The following BCAT1 variants were observed in gnomAD, a reference collection of about 807,000 sequenced individuals.
The protein encoded by BCAT1 is branched chain amino acid transaminase 1.
In BCAT1, 48 loss-of-function variants were observed where a neutral mutation model predicts 52.4. The observed-to-expected ratio is 0.92, with a 90% CI of 0.73 to 1.16. The LOEUF (loss-of-function observed/expected upper bound fraction) is 1.16. BCAT1 is among the 50% of genes most tolerant of loss of function. The pLI is 0.00. For synonymous variants in BCAT1, 167 were observed against 161.3 expected (o/e 1.04, Z -0.27); for missense variants, 451 against 457.1 (o/e 0.99, Z 0.12).
At chr12:24,943,727 G>T (rs373906284) in intron 1 of BCAT1, among the ~76,000 whole-genome samples, 22 of 152,298 alleles carry the variant, frequency 1.4e-4, no homozygotes, top group African/African-American at 4.8e-4. Flanking sequence ...GCTCACGCCT[G>T]TAATCCCAGC....
chr12:24,935,626 G>A (rs1262580649), intron 1 of BCAT1, among the ~76,000 whole-genome samples: 1 of 152,166 alleles, frequency 6.6e-6, no homozygotes, highest in African/African-American at 2.4e-5. Context: ...AAGTCATCAT[G>A]TCTTTGTTCC....
intron 5 of BCAT1, among the ~76,000 whole-genome samples, chr12:24,854,413 C>A (rs1941604855): frequency 6.6e-6 from 1 of 151,988 alleles, no homozygotes; most frequent in Non-Finnish European, 1.5e-5. Flanking sequence ...TGAAGAGTAG[C>A]CTGTTTTCTT....
intron 3 of BCAT1, among the ~76,000 whole-genome samples, chr12:24,883,739 G>A (rs1300527242): frequency 6.6e-6 from 1 of 152,194 alleles, no homozygotes; most frequent in African/African-American, 2.4e-5. Context: ...CCACAGGGAT[G>A]AGCGTGGGGA....
chr12:24,904,708 T>A (rs2139689515), intron 1 of BCAT1: 1 of 152,368 alleles, frequency 6.6e-6, no homozygotes, highest in East Asian at 1.9e-4. Flanking sequence ...TACTTGCTAC[T>A]CAAAAATCTG....
intron 1 of BCAT1, among the ~76,000 whole-genome samples, chr12:24,934,149 T>TC (rs1943720260): frequency 6.6e-6 from 1 of 152,202 alleles, no homozygotes; most frequent in Non-Finnish European, 1.5e-5. Flanking sequence ...TACCAAGGAC[T>TC]CCCGTACCCT....
At chr12:24,910,378 A>AAAATAAAT (rs57340584) in intron 1 of BCAT1, among the ~76,000 whole-genome samples, 62 of 146,220 alleles carry the variant, frequency 4.2e-4, no homozygotes, top group South Asian at 6.7e-4. Context: ...CTCTGTCTCA[A>AAAATAAAT]AAATAAATAA....
chr12:24,914,557 A>C (rs1392877970), intron 1 of BCAT1, among the ~76,000 whole-genome samples: 1 of 152,236 alleles, frequency 6.6e-6, no homozygotes, highest in Non-Finnish European at 1.5e-5. Context: ...ATGAAAACAA[A>C]AGAAAAACAA....
chr12:24,868,085 G>A (rs1474973344), intron 5 of BCAT1, among the ~76,000 whole-genome samples: 4 of 152,136 alleles, frequency 2.6e-5, no homozygotes, highest in Non-Finnish European at 5.9e-5. Context: ...TGCCTATCAC[G>A]AGCCAAGCAA....
At chr12:24,851,690 T>C (rs1199803392) in intron 5 of BCAT1, among the ~76,000 whole-genome samples, 1 of 152,158 alleles carries the variant, frequency 6.6e-6, no homozygotes, top group Non-Finnish European at 1.5e-5. Flanking sequence ...AGACTGAAGA[T>C]TAAAGGAGGA....
At chr12:24,871,079 C>T (rs774228089) in intron 5 of BCAT1, among the ~76,000 whole-genome samples, 1 of 152,144 alleles carries the variant, frequency 6.6e-6, no homozygotes, top group Admixed American at 6.5e-5. Flanking sequence ...GCACTGAGTA[C>T]AGTGCCTGAC....
intron 1 of BCAT1, 49 bp from the exon 2 acceptor site, chr12:24,901,934 G>A (rs1049199172): frequency 6.2e-7 from 1 of 1,613,298 alleles, no homozygotes; most frequent in Non-Finnish European, 8.5e-7. Context: ...TGGGTAAGCG[G>A]GACCCGGGGT....
chr12:24,864,710 T>C (rs1052629312), intron 5 of BCAT1, among the ~76,000 whole-genome samples: 3 of 152,204 alleles, frequency 2.0e-5, no homozygotes, highest in African/African-American at 7.2e-5. Flanking sequence ...GCGTCCATTC[T>C]CTGTCCCACT....
chr12:24,912,957 A>G (rs1943354403), intron 1 of BCAT1, among the ~76,000 whole-genome samples: 1 of 152,196 alleles, frequency 6.6e-6, no homozygotes, highest in South Asian at 2.1e-4. Context: ...ACGAGAGCCT[A>G]CAGAACGAAG....
intron 1 of BCAT1, among the ~76,000 whole-genome samples, chr12:24,916,368 G>A (rs1267541424): frequency 6.6e-6 from 1 of 152,158 alleles, no homozygotes; most frequent in Non-Finnish European, 1.5e-5. Context: ...TACCAGGTGT[G>A]TCTTTTTCCA....
chr12:24,925,651 A>C (rs1283699917), intron 1 of BCAT1, among the ~76,000 whole-genome samples: 1 of 151,428 alleles, frequency 6.6e-6, no homozygotes, highest in Non-Finnish European at 1.5e-5. Context: ...CCGAAGCTGG[A>C]CTGTACTGCT....
At chr12:24,929,059 C>A (rs1209776189) in intron 1 of BCAT1, among the ~76,000 whole-genome samples, 1 of 152,156 alleles carries the variant, frequency 6.6e-6, no homozygotes, top group Admixed American at 6.5e-5. Context: ...CCGCTCCCAG[C>A]CCGTGAAATG....
chr12:24,833,436 T>C (rs1226916456), intron 8 of BCAT1, among the ~76,000 whole-genome samples: 2 of 152,018 alleles, frequency 1.3e-5, no homozygotes, highest in African/African-American at 2.4e-5. Context: ...GGAGAATCGC[T>C]TGAACTCAGG....
intron 2 of BCAT1, among the ~76,000 whole-genome samples, chr12:24,898,467 T>C (rs1297437878): frequency 6.6e-6 from 1 of 150,502 alleles, no homozygotes; most frequent in Non-Finnish European, 1.5e-5. Context: ...GGCAGGGAAG[T>C]GTAAATTTGT....
chr12:24,910,545 C>A (rs1943305908), intron 1 of BCAT1, among the ~76,000 whole-genome samples: 1 of 152,072 alleles, frequency 6.6e-6, no homozygotes, highest in South Asian at 2.1e-4. Context: ...AATAATAAAT[C>A]ATGCCCAAAA....
Sources: allele counts gnomAD v4.1 joint callset (sites outside exome capture counted in the v4.1 genomes callset), GRCh38; gene constraint gnomAD v4.1.1; transcripts MANE v1.5; gene names NCBI Gene and HGNC (gene_info 2026-07-23, HGNC 2026-07-21).